Variants in SLC9A9 observed in about 807,000 individuals in gnomAD.
SLC9A9 encodes sodium/hydrogen exchanger 9.
In SLC9A9, 62 loss-of-function variants were observed where a neutral mutation model predicts 77.8. The ratio of observed to expected loss-of-function variants is 0.80; its 90% CI spans 0.65 to 0.98. The LOEUF (loss-of-function observed/expected upper bound fraction) is 0.98. Among genes scored for constraint, SLC9A9 ranks in the 50% least tolerant of loss-of-function variants. SLC9A9 has a pLI of 0.00. For missense variants in SLC9A9, 775 were observed against 774.9 expected (o/e 1.00, Z 0.00); for synonymous variants, 320 against 283.5 (o/e 1.13, Z -1.29).
chr3:143,790,651 C>G (rs1015229500), intron 4 of SLC9A9, among the ~76,000 whole-genome samples: 1 of 152,046 alleles, frequency 6.6e-6, no homozygotes, highest in African/African-American at 2.4e-5. Flanking sequence ...TAATCTTGGA[C>G]AAGTCTAAAC....
intron 4 of SLC9A9, among the ~76,000 whole-genome samples, chr3:143,721,795 A>G (rs890698277): frequency 3.9e-5 from 6 of 152,216 alleles, no homozygotes; most frequent in African/African-American, 1.4e-4. Context: ...GCCACATGGT[A>G]ACAACTCAGA....
intron 12 of SLC9A9, among the ~76,000 whole-genome samples, chr3:143,393,748 A>G (rs1177585641): frequency 1.3e-5 from 2 of 152,074 alleles, no homozygotes; most frequent in East Asian, 3.9e-4. Flanking sequence ...AATAGACGCA[A>G]TAAAAAATGA....
chr3:143,413,780 C>CTG (rs3068538), intron 12 of SLC9A9, among the ~76,000 whole-genome samples: 41,586 of 150,152 alleles, frequency 0.28, 5,732 homozygotes, highest in Non-Finnish European at 0.32. Context: ...GTATTATTAA[C>CTG]TGTGTGTGTG....
intron 9 of SLC9A9, among the ~76,000 whole-genome samples, chr3:143,543,221 C>G (rs1382789731): frequency 6.6e-6 from 1 of 152,110 alleles, no homozygotes; most frequent in Non-Finnish European, 1.5e-5. Flanking sequence ...GTAAAATGTT[C>G]ATCTGGACTT....
intron 4 of SLC9A9, among the ~76,000 whole-genome samples, chr3:143,770,293 A>G (rs2007472154): frequency 6.6e-6 from 1 of 152,168 alleles, no homozygotes; most frequent in Non-Finnish European, 1.5e-5. Flanking sequence ...ATTAAAACAT[A>G]TTTTACAGGC....
chr3:143,450,671 CT>C (rs2108555757), intron 12 of SLC9A9, among the ~76,000 whole-genome samples: 1 of 152,292 alleles, frequency 6.6e-6, no homozygotes, highest in East Asian at 1.9e-4. Flanking sequence ...GAGAATCCCA[CT>C]GAAATGACAA....
At chr3:143,537,744 A>G (rs190876569) in intron 9 of SLC9A9, among the ~76,000 whole-genome samples, 1 of 151,704 alleles carries the variant, frequency 6.6e-6, no homozygotes, top group East Asian at 1.9e-4. Context: ...GAAACAATTT[A>G]CTCCCCCCGA....
intron 9 of SLC9A9, among the ~76,000 whole-genome samples, chr3:143,516,837 A>G (rs2036210127): frequency 6.6e-6 from 1 of 152,166 alleles, no homozygotes; most frequent in Non-Finnish European, 1.5e-5. Context: ...ATACTACAAA[A>G]TTGTCCTTTA....
chr3:143,829,617 C>G (rs1305509772), intron 2 of SLC9A9, among the ~76,000 whole-genome samples: 2 of 152,164 alleles, frequency 1.3e-5, no homozygotes, highest in African/African-American at 4.8e-5. Context: ...ATACGTTGGT[C>G]TTATCTCCCC....
intron 8 of SLC9A9, among the ~76,000 whole-genome samples, chr3:143,559,213 G>C (rs1482957764): frequency 6.6e-6 from 1 of 152,160 alleles, no homozygotes; most frequent in African/African-American, 2.4e-5. Context: ...CTTCATAGCA[G>C]TGTGAGAATG....
chr3:143,760,874 G>A (rs965060375), intron 4 of SLC9A9, among the ~76,000 whole-genome samples: 3 of 152,080 alleles, frequency 2.0e-5, no homozygotes, highest in Non-Finnish European at 4.4e-5. Flanking sequence ...AAAGGAGCCC[G>A]CATTGCCAAG....
chr3:143,479,182 T>G (rs1048894568), intron 11 of SLC9A9, among the ~76,000 whole-genome samples: 2 of 152,218 alleles, frequency 1.3e-5, no homozygotes, highest in African/African-American at 2.4e-5. Context: ...TGTGTGAACT[T>G]GTTGGGGTGG....
intron 12 of SLC9A9, among the ~76,000 whole-genome samples, chr3:143,450,456 C>T (rs1686041004): frequency 6.6e-6 from 1 of 151,584 alleles, no homozygotes; most frequent in Admixed American, 6.6e-5. Flanking sequence ...GAAAAACGTA[C>T]TCAAGTGTTA....
chr3:143,461,815 A>G (rs1488081005), intron 12 of SLC9A9, among the ~76,000 whole-genome samples: 1 of 152,220 alleles, frequency 6.6e-6, no homozygotes, highest in African/African-American at 2.4e-5. Flanking sequence ...TTAATTATAT[A>G]TATTCCTCCA....
intron 14 of SLC9A9, among the ~76,000 whole-genome samples, chr3:143,328,546 C>G (rs1230289815): frequency 6.6e-6 from 1 of 152,190 alleles, no homozygotes; most frequent in African/African-American, 2.4e-5. Context: ...TCTCCATCTT[C>G]CCGATTCAAA....
chr3:143,266,090 C>T lies in SLC9A9; in HGVS notation c.*612G>A, dbSNP rs770826606. On this transcript the variant is annotated 3_prime_UTR_variant, in exon 16 of 16. Coordinates refer to ENST00000316549, the MANE Select transcript of SLC9A9 (RefSeq NM_173653.4). Reference sequence around the variant, plus strand: ...CCCCTTTGAGCGATGGGAGAAGTAGCATAAGAAGGATGCCAAGAAGAACAA... The same window carrying T: ...CCCCTTTGAGCGATGGGAGAAGTAGTATAAGAAGGATGCCAAGAAGAACAA... 2.8e-6 allele frequency: 2 copies of T among 702,216 alleles called. No homozygotes were observed. The highest frequency in any genetic ancestry group is 1.7e-5 in the African/African-American group (1 of 57,234). The allele number at this position is 702,216 out of a possible 1,614,324, so 43.5% of individuals were successfully genotyped here.
intron 12 of SLC9A9, among the ~76,000 whole-genome samples, chr3:143,449,108 A>T (rs866956655): frequency 1 from 60 of 60 alleles, 30 homozygotes; most frequent in Non-Finnish European, 1. Flanking sequence ...ATAATTATAT[A>T]TTATAATTAT....
At chr3:143,486,110 C>T (rs2035649349) in intron 11 of SLC9A9, among the ~76,000 whole-genome samples, 1 of 151,812 alleles carries the variant, frequency 6.6e-6, no homozygotes. Context: ...GGTCAGAAGG[C>T]AGTAAGCTGA....
intron 4 of SLC9A9, among the ~76,000 whole-genome samples, chr3:143,755,143 G>A (rs1044303317): frequency 3.3e-5 from 5 of 152,100 alleles, no homozygotes; most frequent in Admixed American, 6.5e-5. Context: ...TAGGAAATAG[G>A]TGTTTGCACA....
Sources: gnomAD v4.1 joint callset for allele counts (sites outside exome capture counted in the v4.1 genomes callset) on GRCh38, gnomAD v4.1.1 for gene constraint, MANE v1.5 for transcripts, NCBI Gene and HGNC (gene_info 2026-07-23, HGNC 2026-07-21) for gene names.